JAZF1: variants seen among roughly 807,000 people sequenced by gnomAD.
The protein encoded by JAZF1 is JAZF zinc finger 1.
Under a neutral mutation model 26.4 loss-of-function variants are expected in JAZF1, and 8 were observed. That is an observed-to-expected ratio of 0.30 (90% CI 0.18 to 0.55). JAZF1 has a LOEUF of 0.55. Among genes scored for constraint, JAZF1 ranks in the 20% least tolerant of loss-of-function variants. The pLI, the probability that JAZF1 is intolerant of heterozygous loss-of-function variation, is 0.94. For synonymous variants in JAZF1, 126 were observed against 122.3 expected, an observed-to-expected ratio of 1.03 and a Z score of -0.20; for missense variants, 199 against 322.0, an observed-to-expected ratio of 0.62 and a Z score of 2.92.
rs1269309974 is a variant in JAZF1, at chr7:27,864,745, A to G, written c.386-23878T>C. On this transcript the variant is annotated intron_variant, in intron 3 of 4. Transcript: ENST00000283928. ...GAAAAACTGAGCAACGAAAAATGCC[A>G]ACGTCTCTTCAGGACAGCAGGGAGC... Among the ~76,000 whole-genome samples the G allele has an allele frequency of 3.9e-5, 6 of 152,344 alleles. 1 individual carries two copies. In the East Asian group the frequency reaches 1.2e-3, roughly 29 times the overall value.
In JAZF1 at chr7:27,959,548, C is replaced by T. The variant is rs180913881; in HGVS notation, c.188+32361G>A. ...TCTTTGTCTCTTCTAAAGTACCTGG[C>T]ACCCACGAGTATACAGTAACCATTC... On this transcript the variant is annotated intron_variant, in intron 2 of 4. Coordinates refer to ENST00000283928, the MANE Select transcript of JAZF1 (RefSeq NM_175061.4). Among the ~76,000 whole-genome samples, 3 of 152,298 alleles carry T rather than the reference C, an allele frequency of 2.0e-5. No individual in the cohort carries two copies. In the East Asian group the frequency reaches 5.8e-4, roughly 29 times the overall value.
chr7:28,066,532 G>C (rs1055171876), intron 1 of JAZF1, among the ~76,000 whole-genome samples: 1 of 150,394 alleles, frequency 6.6e-6, no homozygotes, highest in African/African-American at 2.5e-5. Context: ...GAATCCAGGA[G>C]GCAGAGGTTG....
chr7:28,128,305 C>T (rs1399384529), intron 1 of JAZF1, among the ~76,000 whole-genome samples: 1 of 152,066 alleles, frequency 6.6e-6, no homozygotes, highest in African/African-American at 2.4e-5. Context: ...AGGTGGATCA[C>T]GAGGTCAGGA....
In JAZF1 at chr7:27,985,817, G is replaced by A. The variant is rs765585358; in HGVS notation, c.188+6092C>T. On this transcript the variant is annotated intron_variant, in intron 2 of 4. Coordinates refer to ENST00000283928, the MANE Select transcript of JAZF1 (RefSeq NM_175061.4). The stretch of plus-strand genomic sequence containing the variant: ...GTTCAACATACTCAAATCAATAAAC[G>A]TAATCCATCATATAAACAGAACCAA... 2.6e-5 allele frequency among the ~76,000 whole-genome samples: 4 copies of A among 152,064 alleles called. No individual in the cohort carries two copies. In the East Asian group the frequency reaches 5.8e-4, roughly 22 times the overall value.
chr7:27,910,325 A>G (rs1784340953), intron 2 of JAZF1, among the ~76,000 whole-genome samples: 1 of 152,204 alleles, frequency 6.6e-6, no homozygotes, highest in African/African-American at 2.4e-5. Flanking sequence ...GCTCCCATGC[A>G]AAGCCTGCAC....
At chr7:27,923,607 G>C (rs866284116) in intron 2 of JAZF1, among the ~76,000 whole-genome samples, 1 of 152,186 alleles carries the variant, frequency 6.6e-6, no homozygotes, top group South Asian at 2.1e-4. Flanking sequence ...TGGCTGGGCT[G>C]GCGCCGCCAA....
At chr7:27,912,709 A>C (rs2128345756) in intron 2 of JAZF1, among the ~76,000 whole-genome samples, 1 of 152,250 alleles carries the variant, frequency 6.6e-6, no homozygotes, top group East Asian at 1.9e-4. Flanking sequence ...TATAATTTAC[A>C]ATGGGGCTTG....
At chr7:28,044,127 T>A (rs1783452447) in intron 1 of JAZF1, among the ~76,000 whole-genome samples, 2 of 152,304 alleles carry the variant, frequency 1.3e-5, no homozygotes, top group South Asian at 4.1e-4. Context: ...AATGTTTAAA[T>A]GGTGAATAGT....
intron 3 of JAZF1, among the ~76,000 whole-genome samples, chr7:27,844,885 A>G (rs1782989522): frequency 2.0e-5 from 3 of 152,166 alleles, no homozygotes; most frequent in Non-Finnish European, 4.4e-5. Flanking sequence ...GGATGAATAC[A>G]TTCATTTATT....
intron 2 of JAZF1, among the ~76,000 whole-genome samples, chr7:27,931,348 G>A (rs148893967): frequency 1.5e-3 from 229 of 152,290 alleles, no homozygotes; most frequent in African/African-American, 5.1e-3. Flanking sequence ...TTGCTGGTGT[G>A]GAGGAACCTA....
At chr7:28,102,746 G>GCATA (rs2127928329) in intron 1 of JAZF1, among the ~76,000 whole-genome samples, 1 of 152,138 alleles carries the variant, frequency 6.6e-6, no homozygotes, top group African/African-American at 2.4e-5. Context: ...TCTATAGTGA[G>GCATA]CATACACTCC....
chr7:28,094,625 C>T (rs1784354139), intron 1 of JAZF1, among the ~76,000 whole-genome samples: 1 of 152,116 alleles, frequency 6.6e-6, no homozygotes. Context: ...AAGAAGGAAC[C>T]CAGTAGGCAC....
rs1554274815 is a variant in JAZF1 at position 27,909,002 on chromosome 7, T to TTCATTC, written c.189-13587_189-13586insGAATGA. Among the ~76,000 whole-genome samples the TTCATTC allele has an allele frequency of 6.4e-3, 965 of 151,162 alleles. 19 individuals carry two copies. The highest frequency in any genetic ancestry group is 0.022 in the African/African-American group (915 of 40,920). On this transcript the variant is annotated intron_variant, in intron 2 of 4. Coordinates refer to ENST00000283928, the MANE Select transcript of JAZF1 (RefSeq NM_175061.4). ...TTCAGGTAAGTACACACTTGAATAA[T>TTCATTC]ATTCATTCATTCATTCATTCATTCA...
At chr7:28,032,348 G>T (rs1783206725) in intron 1 of JAZF1, among the ~76,000 whole-genome samples, 1 of 152,080 alleles carries the variant, frequency 6.6e-6, no homozygotes, top group African/African-American at 2.4e-5. Flanking sequence ...TAAATAAATA[G>T]ATCTGCAATT....
chr7:28,111,652 A>C (rs957981521), intron 1 of JAZF1, among the ~76,000 whole-genome samples: 1 of 152,252 alleles, frequency 6.6e-6, no homozygotes, highest in African/African-American at 2.4e-5. Context: ...ATGATGAATC[A>C]AAAAGTGCTC....
At chr7:28,030,150 A>G (rs1462361499) in intron 1 of JAZF1, among the ~76,000 whole-genome samples, 1 of 152,190 alleles carries the variant, frequency 6.6e-6, no homozygotes, top group African/African-American at 2.4e-5. Flanking sequence ...CTGGCGCAGG[A>G]TGGAGAATGT....
chr7:27,874,791 C>A (rs866028426), intron 3 of JAZF1, among the ~76,000 whole-genome samples: 1 of 152,146 alleles, frequency 6.6e-6, no homozygotes, highest in Non-Finnish European at 1.5e-5. Context: ...GTGGCACTGC[C>A]TTGGGCCCTG....
intron 3 of JAZF1, among the ~76,000 whole-genome samples, chr7:27,889,159 T>G (rs1046655304): frequency 6.6e-6 from 1 of 152,178 alleles, no homozygotes; most frequent in Non-Finnish European, 1.5e-5. Context: ...AAACTCCCAA[T>G]GCCCAAGCCC....
intron 1 of JAZF1, among the ~76,000 whole-genome samples, chr7:27,997,146 C>G (rs969840965): frequency 1.3e-5 from 2 of 152,158 alleles, no homozygotes; most frequent in Non-Finnish European, 2.9e-5. Context: ...GGGAGACCCA[C>G]AGCCAGGATC....
Sources: gnomAD v4.1 joint callset for allele counts (sites outside exome capture counted in the v4.1 genomes callset) on GRCh38, gnomAD v4.1.1 for gene constraint, MANE v1.5 for transcripts, NCBI Gene and HGNC (gene_info 2026-07-23, HGNC 2026-07-21) for gene names.